Variants in LRRC37A3 observed in about 807,000 individuals in gnomAD.
The protein encoded by LRRC37A3 is leucine-rich repeat-containing protein 37A3.
LRRC37A3 carries 25 observed loss-of-function variants against 106.2 expected under a neutral mutation model. That is an observed-to-expected ratio of 0.24 (90% CI 0.17 to 0.33). LRRC37A3 has a LOEUF of 0.33. LRRC37A3 is among the 10% of genes least tolerant of loss of function. LRRC37A3 has a pLI of 1.00. For missense variants in LRRC37A3, 712 were observed against 1,644.9 expected (o/e 0.43, Z 9.81); for synonymous variants, 305 against 635.8 (o/e 0.48, Z 7.83).
At chr17:64,859,263 T>C (rs1005826981) in intron 12 of LRRC37A3, among the ~76,000 whole-genome samples, 179 bp downstream of exon 12, 4 of 152,172 alleles carry the variant, frequency 2.6e-5, no homozygotes, top group African/African-American at 9.7e-5. Flanking sequence ...ACAGTTCATC[T>C]TGTGCCCTAA....
intron 2 of LRRC37A3, among the ~76,000 whole-genome samples, chr17:64,917,107 G>A (rs1056273168): frequency 7.9e-5 from 12 of 151,708 alleles, no homozygotes; most frequent in South Asian, 4.2e-4. Flanking sequence ...TTAGCCGGGC[G>A]TGGTGGTAGG....
At chr17:64,866,979 C>T (rs568278057) in intron 10 of LRRC37A3, among the ~76,000 whole-genome samples, 183 of 151,136 alleles carry the variant, frequency 1.2e-3, no homozygotes, top group Middle Eastern at 3.4e-3. Context: ...AAAAAAGATA[C>T]ATCACATATG....
At chr17:64,859,081 T>G (rs1427441571) in intron 12 of LRRC37A3, among the ~76,000 whole-genome samples, 198 bp from the exon 13 acceptor site, 2 of 152,058 alleles carry the variant, frequency 1.3e-5, no homozygotes, top group East Asian at 1.9e-4. Flanking sequence ...GCCTCCCAAG[T>G]AGCTGGGACT....
At chr17:64,881,526 C>A (rs1435518883) in intron 8 of LRRC37A3, among the ~76,000 whole-genome samples, 1 of 129,400 alleles carries the variant, frequency 7.7e-6, no homozygotes. Flanking sequence ...GAGATTACAG[C>A]ATGAGACACC....
rs752770518 is a variant in LRRC37A3 at position 64,860,858 on chromosome 17, A to G, written c.3288T>C (p.Ser1096=). 6 of 1,614,208 alleles carry G rather than the reference A, an allele frequency of 3.7e-6. No individual in the cohort carries two copies. The highest frequency in any genetic ancestry group is 5.1e-6 in the Non-Finnish European group (6 of 1,180,034). The change falls in exon 12 of 15, where the codon AGT becomes AGC. Residue 1096 remains serine, a synonymous_variant. Transcript: ENST00000584306. ...IIEPEEPSDS[S]GINLSGFGSE... is the part of the protein sequence containing the mutation. ...TCCCAAAGCCTGACAAGTTGATGCCACTGCTGTCTGAGGGCTCCTCCGGCT... is the reference window on the plus strand; with the variant it reads ...TCCCAAAGCCTGACAAGTTGATGCCGCTGCTGTCTGAGGGCTCCTCCGGCT...
rs1206888966 is a variant in LRRC37A3 at position 64,859,448 on chromosome 17, C to T, written c.4698G>A (p.Ser1566=). The T allele has an allele frequency of 1.3e-5, 20 of 1,589,080 alleles. No individual in the cohort carries two copies. Among genetic ancestry groups the T allele is most frequent in the Admixed American group, 6.7e-5 (4 of 59,526 alleles). ...TEAQSEQKEK[S]LEFTKELPGY... is the part of the protein sequence containing the mutation. ...GTTTCTGTGTAGTCCTCACCTCAAGCGACTTCTCTTTCTGTTCACTCTGGG... is the reference window on the plus strand; with the variant it reads ...GTTTCTGTGTAGTCCTCACCTCAAGTGACTTCTCTTTCTGTTCACTCTGGG... Residue 1566 remains serine (S), a synonymous_variant, in exon 12 of 15, where the codon TCG becomes TCA. Coordinates refer to ENST00000584306, the MANE Select transcript of LRRC37A3 (RefSeq NM_199340.5).
At chr17:64,866,823 A>C (rs1426777290) in intron 10 of LRRC37A3, among the ~76,000 whole-genome samples, 8 of 141,012 alleles carry the variant, frequency 5.7e-5, no homozygotes, top group Middle Eastern at 3.6e-3. Flanking sequence ...ATATATATAT[A>C]TCCTGCAAAG....
At chr17:64,854,947 C>T (rs1972627079) in intron 14 of LRRC37A3, among the ~76,000 whole-genome samples, 1 of 152,232 alleles carries the variant, frequency 6.6e-6, no homozygotes, top group Non-Finnish European at 1.5e-5. Context: ...AAGCAGTTCT[C>T]CTGCCTCAGC....
intron 11 of LRRC37A3, among the ~76,000 whole-genome samples, chr17:64,861,516 G>A (rs534648706): frequency 1.3e-3 from 201 of 152,312 alleles, no homozygotes; most frequent in African/African-American, 4.2e-3. Flanking sequence ...TCTGGCATGC[G>A]CTCCACCCAC....
At chr17:64,919,140 C>T (rs1458994694) in intron 1 of LRRC37A3, among the ~76,000 whole-genome samples, 1 of 151,672 alleles carries the variant, frequency 6.6e-6, no homozygotes, top group Non-Finnish European at 1.5e-5. Flanking sequence ...CGCGGTGCCG[C>T]GAGCGGAACC....
rs557891929 is a variant in LRRC37A3 at position 64,855,006 on chromosome 17, T to C, written c.4860-362A>G. On this transcript the variant is annotated intron_variant, in intron 14 of 14. Transcript: ENST00000584306. Reference sequence around the variant, plus strand: ...GCCTGCGCCACCACACCCAGCTAATTTAGTATTTTTAGTAGAGATGGGCTT... The same window carrying C: ...GCCTGCGCCACCACACCCAGCTAATCTAGTATTTTTAGTAGAGATGGGCTT... 3.9e-5 allele frequency among the ~76,000 whole-genome samples: 6 copies of C among 152,232 alleles called. No individual in the cohort carries two copies. In the East Asian group the frequency reaches 1.2e-3, roughly 29 times the overall value.
intron 14 of LRRC37A3, 57 bp downstream of exon 14, chr17:64,855,783 A>G: frequency 6.2e-7 from 1 of 1,608,398 alleles, no homozygotes; most frequent in Non-Finnish European, 8.5e-7. Flanking sequence ...GCCTGGCAAC[A>G]AGAGGGAAAC....
At position 64,896,673 on chromosome 17, in the gene LRRC37A3, C is replaced by G; in HGVS notation, c.585G>C (p.Leu195=). The change falls in exon 4 of 15, where the codon CTG becomes CTC. Residue 195 remains leucine, a synonymous_variant. Transcript: ENST00000584306. ...CTGACTTCACCCGGAGTTCTGGAGG[C>G]AGGCTACCGGGATACGGTGTATCTG... ...SSTDTPYPGS[L]PPELRVKSDE... 6.3e-7 allele frequency: 1 copy of G among 1,593,410 alleles called. No individual in the cohort carries two copies.
chr17:64,869,372 C>T (rs1039448016), intron 8 of LRRC37A3, among the ~76,000 whole-genome samples: 9 of 151,144 alleles, frequency 6.0e-5, no homozygotes, highest in Admixed American at 1.3e-4. Flanking sequence ...GGATAGAACG[C>T]GGGGAAGAAC....
At chr17:64,871,712 C>T (rs549107412) in intron 8 of LRRC37A3, 5 of 152,194 alleles carry the variant, frequency 3.3e-5, no homozygotes, top group African/African-American at 9.6e-5. Flanking sequence ...TGCTACAGCC[C>T]AGAATTCCTG....
intron 2 of LRRC37A3, among the ~76,000 whole-genome samples, chr17:64,912,803 T>C (rs1284515867): frequency 6.8e-6 from 1 of 147,038 alleles, no homozygotes; most frequent in Non-Finnish European, 1.5e-5. Context: ...ATCCCAGCGT[T>C]TTGGGAGGTT....
chr17:64,871,938 C>T (rs868653180), intron 8 of LRRC37A3, among the ~76,000 whole-genome samples: 1 of 151,886 alleles, frequency 6.6e-6, no homozygotes, highest in African/African-American at 2.4e-5. Context: ...TCGAGACCAT[C>T]CTGGCTAACA....
In LRRC37A3 at chr17:64,896,741, G is replaced by A. The variant is rs747009810; in HGVS notation, c.517C>T (p.Pro173Ser). Residue 173 changes from proline to serine, a missense_variant, in exon 4 of 15, where the codon CCT (proline) becomes TCT (serine). Coordinates refer to ENST00000584306, the MANE Select transcript of LRRC37A3 (RefSeq NM_199340.5). ...IIGIIHQLST[P>S]QSQKQTLQNE... Reference sequence around the variant, plus strand: ...TGCAAAGTCTGTTTCTGACTCTGAGGTGTGGATAATTGGTGTATAATTCCA... The same window carrying A: ...TGCAAAGTCTGTTTCTGACTCTGAGATGTGGATAATTGGTGTATAATTCCA... 12 of 1,603,814 alleles carry A rather than the reference G, an allele frequency of 7.5e-6. No individual in the cohort carries two copies. The East Asian group carries it at 2.0e-4, about 27-fold the overall frequency.
At position 64,858,762 on chromosome 17, in the gene LRRC37A3, T is replaced by C. The variant is rs141081276; in HGVS notation, c.4809+17A>G. 1,146 of 1,578,530 alleles carry C rather than the reference T, an allele frequency of 7.3e-4. 18 individuals are homozygous for C. In the East Asian group the frequency reaches 0.023, roughly 32 times the overall value. Reference sequence around the variant, plus strand: ...CAGGACTGCATTCTGAAAACCTGAATTAATTATTGTCCTTACCTCAATGAG... The same window carrying C: ...CAGGACTGCATTCTGAAAACCTGAACTAATTATTGTCCTTACCTCAATGAG... On this transcript the variant is annotated intron_variant, in intron 13 of 14. Coordinates refer to ENST00000584306, the MANE Select transcript of LRRC37A3 (RefSeq NM_199340.5).
Sources: gnomAD v4.1 joint callset for allele counts (sites outside exome capture counted in the v4.1 genomes callset) on GRCh38, gnomAD v4.1.1 for gene constraint, MANE v1.5 for transcripts, NCBI Gene and HGNC (gene_info 2026-07-23, HGNC 2026-07-21) for gene names.